Variants in PPFIA4 observed in about 807,000 individuals in gnomAD.
The protein encoded by PPFIA4 is PPFI scaffold protein A4, also known as liprin-alpha-4.
A neutral mutation model predicts 145.7 loss-of-function variants in PPFIA4; 98 were observed. The ratio of observed to expected loss-of-function variants is 0.67; its 90% CI spans 0.57 to 0.80. The LOEUF is 0.80. Among genes scored for constraint, PPFIA4 ranks in the 30% least tolerant of loss-of-function variants. The pLI is 0.00. For missense variants in PPFIA4, 1,457 were observed against 1,632.7 expected, an observed-to-expected ratio of 0.89 and a Z score of 1.85; for synonymous variants, 628 against 649.6, an observed-to-expected ratio of 0.97 and a Z score of 0.51.
Position 203,043,910 on chromosome 1 carries a change from C to G in PPFIA4, c.337-21C>G. 1.3e-6 allele frequency: 2 copies of G among 1,578,030 alleles called. No homozygotes were observed. The highest frequency in any genetic ancestry group is 1.7e-6 in the Non-Finnish European group (2 of 1,160,422). On this transcript the variant is annotated intron_variant, in intron 3 of 29. Coordinates refer to ENST00000295706, the MANE Select transcript of PPFIA4 (RefSeq NM_001304331.2). This position sits in a 1 kb window ranked among gnomAD's most constrained non-coding sequence, Gnocchi z 4.4. ...CATGCTTACAGCCCTCCCTCTCACC[C>G]TCCCCTGCTCTCCCTGCCAGCTGCT...
Position 203,048,624 on chromosome 1 carries a change from G to C in PPFIA4, c.1266G>C (p.Arg422=). 1 of 1,601,272 alleles carries C rather than the reference G, an allele frequency of 6.2e-7. No homozygotes were observed. Among genetic ancestry groups the C allele is most frequent in the East Asian group, 2.3e-5 (1 of 44,284 alleles). ...AGATGAATGAGGACCACAACAAGCGGCTGTCGGACACAGTGGACCGGCTGC... is the reference window on the plus strand; with the variant it reads ...AGATGAATGAGGACCACAACAAGCGCCTGTCGGACACAGTGGACCGGCTGC... ...REKMNEDHNK[R]LSDTVDRLLS... Residue 422 remains arginine (R), a synonymous_variant, in exon 11 of 30, where the codon CGG becomes CGC. Coordinates refer to ENST00000295706, the MANE Select transcript of PPFIA4 (RefSeq NM_001304331.2). The surrounding 1 kb of genome is among the most constrained non-coding windows in gnomAD (Gnocchi z 5.8).
chr1:203,077,175 G>A lies in PPFIA4; in HGVS notation c.*785G>A, dbSNP rs1662603777. The A allele has an allele frequency of 6.6e-6, 1 of 152,280 alleles. No homozygotes were observed. Among genetic ancestry groups the A allele is most frequent in the South Asian group, 2.1e-4 (1 of 4,828 alleles). 9.4% of individuals were successfully genotyped at this position (152,280 alleles called of 1,614,324 possible). A position where few individuals can be genotyped will look rare whatever the true frequency, so the allele number is the denominator to read the frequency against. ...AAGAAGCATAGGCAGACCAGCCAGAGGGAGAGCCAATGGCCTCTGGTAGCC... is the reference window on the plus strand; with the variant it reads ...AAGAAGCATAGGCAGACCAGCCAGAAGGAGAGCCAATGGCCTCTGGTAGCC... On this transcript the variant is annotated 3_prime_UTR_variant, in exon 30 of 30. Coordinates refer to ENST00000295706, the MANE Select transcript of PPFIA4 (RefSeq NM_001304331.2).
chr1:203,062,563 TGAA>T (rs35061466), intron 24 of PPFIA4, among the ~76,000 whole-genome samples: 1 of 148,628 alleles, frequency 6.7e-6, no homozygotes, highest in Non-Finnish European at 1.5e-5. Context: ...ATGCGAGCTG[TGAA>T]GAATGAAGCA....
intron 28 of PPFIA4, among the ~76,000 whole-genome samples, chr1:203,073,693 C>T (rs752004434): frequency 6.6e-5 from 10 of 151,950 alleles, no homozygotes; most frequent in Non-Finnish European, 2.9e-5. Flanking sequence ...GATGAGGACT[C>T]AAGGGAAATA....
At chr1:203,049,497 T>A (rs902760960) in intron 12 of PPFIA4, among the ~76,000 whole-genome samples, 179 bp from the exon 13 acceptor site, 1 of 152,194 alleles carries the variant, frequency 6.6e-6, no homozygotes, top group Non-Finnish European at 1.5e-5. Context: ...TGGTTGGACC[T>A]CTTCTCTTTT....
chr1:203,048,577 G>A lies in PPFIA4; in HGVS notation c.1225-6G>A, dbSNP rs778102029. On this transcript the variant is annotated splice_region_variant and splice_polypyrimidine_tract_variant and intron_variant, in intron 10 of 29. Coordinates refer to ENST00000295706, the MANE Select transcript of PPFIA4 (RefSeq NM_001304331.2). This position sits in a 1 kb window ranked among gnomAD's most constrained non-coding sequence, Gnocchi z 5.8. ...GCGGCCTGGTGCGAGGCAGACGGCTGTGCAGGTGCGCCAGCGGGAAAAGAT... is the reference window on the plus strand; with the variant it reads ...GCGGCCTGGTGCGAGGCAGACGGCTATGCAGGTGCGCCAGCGGGAAAAGAT... 6.3e-6 allele frequency: 10 copies of A among 1,575,234 alleles called. No homozygotes were observed. Among genetic ancestry groups the A allele is most frequent in the Non-Finnish European group, 8.6e-6 (10 of 1,161,644 alleles).
Position 203,039,099 on chromosome 1 carries a change from G to C in PPFIA4, c.91G>C (p.Val31Leu). 1 of 1,608,122 alleles carries C rather than the reference G, an allele frequency of 6.2e-7. No homozygotes were observed. Among genetic ancestry groups the C allele is most frequent in the South Asian group, 1.1e-5 (1 of 90,242 alleles). Reference sequence around the variant, plus strand: ...TGACGCCAACTTCGAGCAGCTGATGGTGAACATGCTGGACGAGCGGGAGAA... The same window carrying C: ...TGACGCCAACTTCGAGCAGCTGATGCTGAACATGCTGGACGAGCGGGAGAA... ...DADANFEQLM[V>L]NMLDEREKLL... The change falls in exon 2 of 30, where the codon GTG becomes CTG. Residue 31 changes from valine to leucine, a missense_variant. Physicochemically the swap from Val to Leu is conservative, Grantham distance 32. Coordinates refer to ENST00000295706, the MANE Select transcript of PPFIA4 (RefSeq NM_001304331.2).
chr1:203,076,335 C>T lies in PPFIA4; in HGVS notation c.3575-6C>T. On this transcript the variant is annotated splice_polypyrimidine_tract_variant and splice_region_variant and intron_variant, in intron 29 of 29. Transcript: ENST00000295706. ...AGTGCGATGCCTGTCTCTCTCTCTC[C>T]CTCAGCTCACTCCCACTATCTCTAC... The T allele has an allele frequency of 6.2e-7, 1 of 1,604,558 alleles. No individual in the cohort carries two copies. The highest frequency in any genetic ancestry group is 1.1e-5 in the South Asian group (1 of 91,080).
chr1:203,059,718 C>T, intron 20 of PPFIA4, 52 bp from the exon 21 acceptor site: 1 of 1,501,728 alleles, frequency 6.7e-7, no homozygotes, highest in Non-Finnish European at 9.2e-7. Context: ...GGAGCAAGAA[C>T]AGTTAAGGGA....
intron 2 of PPFIA4, among the ~76,000 whole-genome samples, chr1:203,041,331 C>G (rs1244218286): frequency 6.6e-6 from 1 of 152,192 alleles, no homozygotes; most frequent in African/African-American, 2.4e-5. Context: ...GTGCCTCACT[C>G]CTGTAATCCC....
chr1:203,038,905 G>T lies in PPFIA4; in HGVS notation c.-104G>T, dbSNP rs1280136492. 6.2e-6 allele frequency: 4 copies of T among 644,924 alleles called. No homozygotes were observed. The highest frequency in any genetic ancestry group is 1.9e-5 in the South Asian group (1 of 51,560). 40.0% of individuals were successfully genotyped at this position (644,924 alleles called of 1,614,324 possible). Reference sequence around the variant, plus strand: ...CCCTGCCCACCTGTCCACTCGCCTGGCACTGCCCACTCTGAGACCCATGCA... The same window carrying T: ...CCCTGCCCACCTGTCCACTCGCCTGTCACTGCCCACTCTGAGACCCATGCA... On this transcript the variant is annotated 5_prime_UTR_variant, in exon 2 of 30. Coordinates refer to ENST00000295706, the MANE Select transcript of PPFIA4 (RefSeq NM_001304331.2).
intron 15 of PPFIA4, among the ~76,000 whole-genome samples, chr1:203,054,572 G>A (rs777899737): frequency 4.6e-5 from 7 of 152,090 alleles, no homozygotes; most frequent in Non-Finnish European, 5.9e-5. Flanking sequence ...ATGACAAACA[G>A]CAGGGCAATA....
rs1164719155 is a variant in PPFIA4 at position 203,044,439 on chromosome 1, G to C, written c.562G>C (p.Gly188Arg). Residue 188 changes from glycine (G) to arginine (R), a missense_variant, in exon 5 of 30, where the codon GGT (glycine) becomes CGT (arginine). Gly to Arg is a moderately radical substitution (Grantham distance 125). This residue lies in a region of PPFIA4 where 463 missense variants were observed against 459.8 expected (regional missense o/e 1.01). Transcript: ENST00000295706. ...CACCACCTTGGAGGAGCAGCTGGCA[G>C]GTGCCCACCAGCAGGTAATCTGCCT... ...RVTTLEEQLAGAHQQVSALQQ... is the reference protein window; with the variant it reads ...RVTTLEEQLARAHQQVSALQQ... 6.4e-7 allele frequency: 1 copy of C among 1,551,292 alleles called. No individual in the cohort carries two copies. Among genetic ancestry groups the C allele is most frequent in the Admixed American group, 2.0e-5 (1 of 51,128 alleles).
chr1:203,056,152 G>T lies in PPFIA4; in HGVS notation c.2103G>T (p.Leu701=), dbSNP rs1660927857. The T allele has an allele frequency of 1.9e-6, 3 of 1,613,944 alleles. No homozygotes were observed. The East Asian group carries it at 6.7e-5, about 36-fold the overall frequency. The change falls in exon 17 of 30, where the codon CTG becomes CTT. Residue 701 remains leucine, a synonymous_variant. Coordinates refer to ENST00000295706, the MANE Select transcript of PPFIA4 (RefSeq NM_001304331.2). ...PSDLRKHRRK[L]LSPVSREENR... ...ACTTAAGAAAGCATAGGAGGAAGCT[G>T]CTGGTGAGTGCTGCCTGATGGCCCA...
intron 1 of PPFIA4, among the ~76,000 whole-genome samples, chr1:203,030,498 G>T (rs1390648676): frequency 6.6e-6 from 1 of 152,236 alleles, no homozygotes; most frequent in Non-Finnish European, 1.5e-5. Flanking sequence ...AGATGGTGCA[G>T]TGCATCCCTG....
chr1:203,042,690 G>GCA (rs1292337718), intron 2 of PPFIA4, among the ~76,000 whole-genome samples: 2 of 152,184 alleles, frequency 1.3e-5, no homozygotes, highest in Non-Finnish European at 2.9e-5. Context: ...AGGCTGGAGT[G>GCA]CAGTGGTGCC....
At chr1:203,044,225 A>G in intron 4 of PPFIA4, 130 bp downstream of exon 4, 3 of 1,209,678 alleles carry the variant, frequency 2.5e-6, no homozygotes, top group Middle Eastern at 2.0e-4. Context: ...TCTTAACTTC[A>G]AGGTCCTCCT....
In PPFIA4 at chr1:203,036,596, TG is replaced by T. The variant is rs914022401; in HGVS notation, c.-399-2007del. ...AGGTGGGCCTGGATGTGGATGAGCT[TG>T]GGGGGGTAGGCTGGGGCCATATGGC... On this transcript the variant is annotated intron_variant, in intron 1 of 29. Coordinates refer to ENST00000295706, the MANE Select transcript of PPFIA4 (RefSeq NM_001304331.2). Among the ~76,000 whole-genome samples the T allele has an allele frequency of 1.3e-4, 20 of 151,100 alleles. 1 individual carries two copies. The highest frequency in any genetic ancestry group is 4.0e-4 in the African/African-American group (16 of 40,500).
rs772204329 is a variant in PPFIA4, at chr1:203,061,666, C to A, written c.2862C>A (p.Gly954=). 1.9e-6 allele frequency: 3 copies of A among 1,565,872 alleles called. No individual in the cohort carries two copies. Among genetic ancestry groups the A allele is most frequent in the Non-Finnish European group, 2.6e-6 (3 of 1,155,028 alleles). ...ETSTKTDSEE[G]SWAQTLAYGD... ...GTTCCTGCTAGGACAGTGAGGAGGG[C>A]AGCTGGGCTCAGGTAAGACTCCCTA... The change falls in exon 24 of 30, where the codon GGC becomes GGA. Residue 954 remains glycine (G), a synonymous_variant. Coordinates refer to ENST00000295706, the MANE Select transcript of PPFIA4 (RefSeq NM_001304331.2).
Sources: gnomAD v4.1 joint callset for allele counts (sites outside exome capture counted in the v4.1 genomes callset) on GRCh38, gnomAD v4.1.1 for gene constraint, gnomAD v4.1.1 regional missense constraint, Gnocchi (gnomAD v3.1) non-coding constraint, MANE v1.5 for transcripts, NCBI Gene and HGNC (gene_info 2026-07-23, HGNC 2026-07-21) for gene names.